ZNF184: variants seen among roughly 807,000 people sequenced by gnomAD.
ZNF184 encodes zinc finger protein 184.
ZNF184 carries 16 observed loss-of-function variants against 54.4 expected under a neutral mutation model. The ratio of observed to expected loss-of-function variants is 0.29; its 90% CI spans 0.20 to 0.45. The LOEUF is 0.45. Among genes scored for constraint, ZNF184 ranks in the 20% least tolerant of loss-of-function variants. The probability of loss-of-function intolerance (pLI) is 1.00; values close to 1 mark genes in which losing one functional copy is unlikely to be tolerated. For missense variants in ZNF184, 681 were observed against 888.2 expected (o/e 0.77, Z 2.97); for synonymous variants, 254 against 295.3 (o/e 0.86, Z 1.43).
chr6:27,457,011 G>A, intron 4 of ZNF184, 90 bp from the exon 5 acceptor site: 7 of 1,252,310 alleles, frequency 5.6e-6, no homozygotes, highest in Non-Finnish European at 6.8e-6. Flanking sequence ...TAGAAGAAAT[G>A]ATATGTAGTA....
chr6:27,421,774 A>C, the ZNF184 span, among the ~76,000 whole-genome samples: 5 of 152,300 alleles, frequency 3.3e-5, no homozygotes, highest in East Asian at 9.6e-4. Context: ...TTCTCTAGAA[A>C]TTCAGAGAGC....
the ZNF184 span, among the ~76,000 whole-genome samples, chr6:27,435,231 G>A: frequency 1.3e-5 from 2 of 152,048 alleles, no homozygotes; most frequent in Admixed American, 6.5e-5. Flanking sequence ...GAATCTGTTG[G>A]TTGCTTCGGA....
the ZNF184 span, among the ~76,000 whole-genome samples, chr6:27,409,276 G>C: frequency 6.6e-6 from 1 of 152,072 alleles, no homozygotes; most frequent in Non-Finnish European, 1.5e-5. Context: ...GAGGCGGGCG[G>C]ATCACAAGGT....
intron 2 of ZNF184, among the ~76,000 whole-genome samples, chr6:27,471,716 A>G (rs1763281415): frequency 6.6e-6 from 1 of 152,242 alleles, no homozygotes; most frequent in Admixed American, 6.5e-5. Flanking sequence ...CTGAATTCAC[A>G]TATCTTAAGG....
intron 3 of ZNF184, among the ~76,000 whole-genome samples, chr6:27,466,037 G>GT (rs2113733034): frequency 6.6e-6 from 1 of 152,250 alleles, no homozygotes; most frequent in East Asian, 1.9e-4. Context: ...AAATTATTCT[G>GT]TATTACATAG....
chr6:27,463,610 C>CA lies in ZNF184; in HGVS notation c.75+4242dup, dbSNP rs781127831. ...TATTTTCCAAACTTGATTTTAACCA[C>CA]AAAAAAATTGCACCAAAATACATCA... On this transcript the variant is annotated intron_variant, in intron 3 of 5. Coordinates refer to ENST00000683788, the MANE Select transcript of ZNF184 (RefSeq NM_001318891.2). Among the ~76,000 whole-genome samples, 8 of 151,562 alleles carry CA rather than the reference C, an allele frequency of 5.3e-5. No homozygotes were observed. The East Asian group carries it at 7.8e-4, about 15-fold the overall frequency.
At chr6:27,430,138 T>A in the ZNF184 span, among the ~76,000 whole-genome samples, 3 of 152,222 alleles carry the variant, frequency 2.0e-5, no homozygotes, top group African/African-American at 4.8e-5. Context: ...TAAATTTTCC[T>A]TCCTGTATAG....
chr6:27,453,400 G>C lies in ZNF184; in HGVS notation c.299-140C>G, dbSNP rs900024438. 7.6e-5 allele frequency: 66 copies of C among 865,728 alleles called. No homozygotes were observed. The South Asian group carries it at 1.5e-3, about 19-fold the overall frequency. The allele number at this position is 865,728 out of a possible 1,614,324, so 53.6% of individuals were successfully genotyped here. A position where few individuals can be genotyped will look rare whatever the true frequency, so the allele number is the denominator to read the frequency against. On this transcript the variant is annotated intron_variant, in intron 5 of 5. Transcript: ENST00000683788. This position sits in a 1 kb window ranked among gnomAD's most constrained non-coding sequence, Gnocchi z 4.7. ...CAAATATATAGCCATATTATTTGGG[G>C]AGAAAGTTGGAAGGAGCTAAGGAGA...
At chr6:27,442,880 A>AAGAAAAGAAAG in the ZNF184 span, among the ~76,000 whole-genome samples, 11,996 of 86,216 alleles carry the variant, frequency 0.14, 1,932 homozygotes, top group South Asian at 0.22. Context: ...GAAAGAAAGA[A>AAGAAAAGAAAG]AAAGAAAAAA....
chr6:27,431,476 T>C, the ZNF184 span, among the ~76,000 whole-genome samples: 1 of 152,216 alleles, frequency 6.6e-6, no homozygotes. Context: ...TACCATCAGT[T>C]GGACAGAAAT....
At chr6:27,462,444 C>T (rs564583168) in intron 3 of ZNF184, among the ~76,000 whole-genome samples, 13 of 151,386 alleles carry the variant, frequency 8.6e-5, no homozygotes, top group South Asian at 2.1e-4. Flanking sequence ...GTGATCCACC[C>T]GCCTTGGCCT....
the ZNF184 span, chr6:27,408,094 T>G: frequency 1.4e-6 from 1 of 738,762 alleles, no homozygotes; most frequent in South Asian, 1.5e-5. Context: ...TAACTACTGC[T>G]GCAGCATTTT....
chr6:27,470,164 C>T lies in ZNF184; in HGVS notation c.7+2124G>A, dbSNP rs567179248. On this transcript the variant is annotated intron_variant, in intron 2 of 5. Coordinates refer to ENST00000683788, the MANE Select transcript of ZNF184 (RefSeq NM_001318891.2). ...TTAAAAGAGAGCTGGGTAAAATTTACGCAAAATGATCTGATATAAACAGAC... is the reference window on the plus strand; with the variant it reads ...TTAAAAGAGAGCTGGGTAAAATTTATGCAAAATGATCTGATATAAACAGAC... Among the ~76,000 whole-genome samples, 19 of 151,810 alleles carry T rather than the reference C, an allele frequency of 1.3e-4. No individual in the cohort carries two copies. In the South Asian group the frequency reaches 2.9e-3, roughly 23 times the overall value.
intron 3 of ZNF184, among the ~76,000 whole-genome samples, chr6:27,466,141 GGAGAGAGA>G (rs58110037): frequency 2.7e-5 from 4 of 148,764 alleles, no homozygotes; most frequent in Admixed American, 6.7e-5. Context: ...AGAGTCAGAG[GGAGAGAGA>G]GAGAGAGAGA....
intron 3 of ZNF184, among the ~76,000 whole-genome samples, chr6:27,461,240 G>A (rs1360038835): frequency 3.3e-5 from 5 of 152,184 alleles, no homozygotes; most frequent in Admixed American, 6.5e-5. Flanking sequence ...CACAGTAACA[G>A]AGAAAGTGTA....
At chr6:27,456,387 G>C (rs1157630381) in intron 5 of ZNF184, among the ~76,000 whole-genome samples, 3 of 152,154 alleles carry the variant, frequency 2.0e-5, no homozygotes, top group South Asian at 2.1e-4. Flanking sequence ...TAAACTGAAT[G>C]GTGGCCATAA....
At chr6:27,422,151 AG>A in the ZNF184 span, among the ~76,000 whole-genome samples, 49,294 of 89,118 alleles carry the variant, frequency 0.55, 16,372 homozygotes, top group Admixed American at 0.59. Context: ...AAAAAAAAAA[AG>A]AAAGAAAGAA....
downstream of ZNF184, among the ~76,000 whole-genome samples, chr6:27,447,337 C>A (rs1762649220): frequency 6.6e-6 from 1 of 152,060 alleles, no homozygotes; most frequent in Admixed American, 6.6e-5. Flanking sequence ...GGGCAAAATT[C>A]TATGGTTTGA....
Position 27,452,762 on chromosome 6 carries a change from A to T in ZNF184, c.797T>A (p.Ile266Lys), listed in dbSNP as rs1295131554. ...TCCAGTATGAATTCTTTGATGGTTT[A>T]TAAGGTTTTCACTCCGGCTGAAGGC... ...EKAFSRSENLINHQRIHTGDK... is the reference protein window; with the variant it reads ...EKAFSRSENLKNHQRIHTGDK... Residue 266 changes from isoleucine (I) to lysine (K), a missense_variant, in exon 6 of 6, where the codon ATA (isoleucine) becomes AAA (lysine). Coordinates refer to ENST00000683788, the MANE Select transcript of ZNF184 (RefSeq NM_001318891.2). The surrounding 1 kb of genome is among the most constrained non-coding windows in gnomAD (Gnocchi z 5.5). 1 of 1,613,734 alleles carries T rather than the reference A, an allele frequency of 6.2e-7. No individual in the cohort carries two copies. The highest frequency in any genetic ancestry group is 8.5e-7 in the Non-Finnish European group (1 of 1,179,964).
Sources: gnomAD v4.1 joint callset for allele counts (sites outside exome capture counted in the v4.1 genomes callset) on GRCh38, gnomAD v4.1.1 for gene constraint, Gnocchi (gnomAD v3.1) non-coding constraint, MANE v1.5 for transcripts, NCBI Gene and HGNC (gene_info 2026-07-23, HGNC 2026-07-21) for gene names.